NDFIP1: variants seen among roughly 807,000 people sequenced by gnomAD.
The protein encoded by NDFIP1 is Nedd4 family interacting protein 1, also known as NEDD4 family-interacting protein 1.
In NDFIP1, 7 loss-of-function variants were observed where a neutral mutation model predicts 28.8. The ratio of observed to expected loss-of-function variants is 0.24; its 90% CI spans 0.14 to 0.46. NDFIP1 has a LOEUF of 0.46. Among genes scored for constraint, NDFIP1 ranks in the 20% least tolerant of loss-of-function variants. The pLI, the probability that NDFIP1 is intolerant of heterozygous loss-of-function variation, is 0.99. For synonymous variants in NDFIP1, 92 were observed against 101.0 expected (o/e 0.91, Z 0.53); for missense variants, 194 against 269.1 (o/e 0.72, Z 1.95).
At chr5:142,117,273 C>G (rs1175047938) in intron 1 of NDFIP1, among the ~76,000 whole-genome samples, 1 of 142,298 alleles carries the variant, frequency 7.0e-6, no homozygotes, top group South Asian at 2.2e-4. Flanking sequence ...GAGACGGAGT[C>G]TCACTCTGTC....
intron 1 of NDFIP1, among the ~76,000 whole-genome samples, chr5:142,112,448 A>AG (rs1757024190): frequency 6.6e-6 from 1 of 151,622 alleles, no homozygotes. Context: ...CTGAGGCAGG[A>AG]AAATCACTTG....
At chr5:142,147,880 G>A (rs1400880035) in intron 7 of NDFIP1, among the ~76,000 whole-genome samples, 5 of 152,182 alleles carry the variant, frequency 3.3e-5, no homozygotes, top group African/African-American at 9.7e-5. Flanking sequence ...AAAAGGATCA[G>A]AATACAGAGT....
chr5:142,137,775 T>G lies in NDFIP1; in HGVS notation c.412T>G (p.Cys138Gly), dbSNP rs1424435953. The stretch of plus-strand genomic sequence containing the variant: ...CTGGATTGGGTTTTTCCTGTCTTTT[T>G]GCCTGACCACTTCAGCTGCAGGAAG... ...FNWIGFFLSF[C>G]LTTSAAGRYG... Residue 138 changes from cysteine (C) to glycine (G), a missense_variant, in exon 5 of 8, where the codon TGC (cysteine) becomes GGC (glycine). Cys to Gly is a radical substitution (Grantham distance 159). Coordinates refer to ENST00000253814, the MANE Select transcript of NDFIP1 (RefSeq NM_030571.4). The G allele has an allele frequency of 6.2e-7, 1 of 1,614,204 alleles. No individual in the cohort carries two copies. Among genetic ancestry groups the G allele is most frequent in the Non-Finnish European group, 8.5e-7 (1 of 1,180,024 alleles).
intron 1 of NDFIP1, among the ~76,000 whole-genome samples, chr5:142,109,887 T>C (rs1756995157): frequency 6.6e-6 from 1 of 152,210 alleles, no homozygotes; most frequent in African/African-American, 2.4e-5. Flanking sequence ...TAATCTAACA[T>C]ACAGTAATGG....
At chr5:142,141,098 C>A (rs1289037885) in intron 6 of NDFIP1, among the ~76,000 whole-genome samples, 1 of 150,994 alleles carries the variant, frequency 6.6e-6, no homozygotes, top group Non-Finnish European at 1.5e-5. Flanking sequence ...AAAGAACCAC[C>A]ATTGGATTTC....
chr5:142,109,139 C>G, intron 1 of NDFIP1, 102 bp downstream of exon 1: 1 of 1,091,014 alleles, frequency 9.2e-7, no homozygotes, highest in Non-Finnish European at 1.2e-6. Flanking sequence ...AACTCGACGC[C>G]GGGGCTTGGC....
rs146378852 is a variant in NDFIP1, at chr5:142,140,592, T to C, written c.525T>C (p.Asp175=). ...RFSTYFPGYF[D]GQYWLWWVFL... ...CCACCTATTTCCCTGGATATTTTGA[T>C]GGTCAGTACTGGCTCTGGTGGGTGT... Residue 175 remains aspartate, a synonymous_variant, in exon 6 of 8, where the codon GAT becomes GAC. Transcript: ENST00000253814. 1.5e-3 allele frequency: 2,476 copies of C among 1,613,120 alleles called. 41 individuals are homozygous for C. In the African/African-American group the frequency reaches 0.03, roughly 20 times the overall value.
intron 1 of NDFIP1, among the ~76,000 whole-genome samples, chr5:142,117,725 A>T: frequency 8.8e-6 from 1 of 113,600 alleles, no homozygotes; most frequent in Non-Finnish European, 1.7e-5. Context: ...TGTGTTCTAC[A>T]GGCTTTTTTT....
chr5:142,137,893 A>G (rs1757291775), intron 5 of NDFIP1, 35 bp downstream of exon 5: 3 of 1,580,188 alleles, frequency 1.9e-6, no homozygotes, highest in South Asian at 1.2e-5. Context: ...GGCTCTACAG[A>G]GAGGCAATAA....
chr5:142,118,922 A>T (rs1326605299), intron 1 of NDFIP1, among the ~76,000 whole-genome samples: 2 of 151,962 alleles, frequency 1.3e-5, no homozygotes, highest in African/African-American at 2.4e-5. Flanking sequence ...TATTTCCTGC[A>T]CTATCCTAGA....
At chr5:142,144,453 G>A in intron 6 of NDFIP1, 118 bp from the exon 7 acceptor site, 6 of 744,404 alleles carry the variant, frequency 8.1e-6, no homozygotes, top group East Asian at 2.5e-5. Flanking sequence ...AATTGCTAAT[G>A]TTTTGATTAC....
At chr5:142,116,972 A>G (rs1338523614) in intron 1 of NDFIP1, among the ~76,000 whole-genome samples, 2 of 151,990 alleles carry the variant, frequency 1.3e-5, no homozygotes, top group Non-Finnish European at 2.9e-5. Flanking sequence ...CTGCCTCCCA[A>G]AGTGCTGGGA....
chr5:142,127,380 A>G (rs6895253), intron 1 of NDFIP1, among the ~76,000 whole-genome samples: 16,072 of 152,176 alleles, frequency 0.11, 1,255 homozygotes, highest in African/African-American at 0.22. Flanking sequence ...CAAAGGCACC[A>G]TGGCAGATTG....
intron 6 of NDFIP1, chr5:142,143,249 A>G (rs951031960): frequency 6.6e-6 from 1 of 152,174 alleles, no homozygotes; most frequent in African/African-American, 2.4e-5. Flanking sequence ...TGGAATATCA[A>G]GAAAAGCTAG....
chr5:142,127,029 T>G lies in NDFIP1; in HGVS notation c.64-4779T>G, dbSNP rs1757176093. 2.0e-5 allele frequency among the ~76,000 whole-genome samples: 3 copies of G among 152,182 alleles called. No homozygotes were observed. In the South Asian group the frequency reaches 6.2e-4, roughly 32 times the overall value. ...CTATTTTATTTTATTTATTTATTTATTTTTGAGACAGAATCTCACTTTGTC... is the reference window on the plus strand; with the variant it reads ...CTATTTTATTTTATTTATTTATTTAGTTTTGAGACAGAATCTCACTTTGTC... On this transcript the variant is annotated intron_variant, in intron 1 of 7. Transcript: ENST00000253814.
intron 1 of NDFIP1, among the ~76,000 whole-genome samples, chr5:142,125,400 C>G (rs1757160785): frequency 6.6e-6 from 1 of 152,204 alleles, no homozygotes; most frequent in Non-Finnish European, 1.5e-5. Flanking sequence ...GGATCTCACT[C>G]TGTTGCTCAG....
Position 142,152,843 on chromosome 5 carries a change from A to C in NDFIP1, c.*1115A>C, listed in dbSNP as rs1053085216. 3 of 163,618 alleles carry C rather than the reference A, an allele frequency of 1.8e-5. No individual in the cohort carries two copies. The East Asian group carries it at 5.1e-4, about 28-fold the overall frequency. The allele number at this position is 163,618 out of a possible 1,614,324, so 10.1% of individuals were successfully genotyped here. A position where few individuals can be genotyped will look rare whatever the true frequency, so the allele number is the denominator to read the frequency against. On this transcript the variant is annotated 3_prime_UTR_variant, in exon 8 of 8. Coordinates refer to ENST00000253814, the MANE Select transcript of NDFIP1 (RefSeq NM_030571.4). ...GTTGATTGCTAAGGCAATTTTTTCT[A>C]ATCTTAGGGAATCATTCAGTAGATG...
At chr5:142,138,014 C>A in intron 5 of NDFIP1, 156 bp downstream of exon 5, 1 of 867,822 alleles carries the variant, frequency 1.2e-6, no homozygotes, top group Non-Finnish European at 1.7e-6. Context: ...GAACCAAAAT[C>A]ATTTGCAAAT....
At chr5:142,145,822 C>T (rs1266110168) in intron 7 of NDFIP1, among the ~76,000 whole-genome samples, 2 of 152,170 alleles carry the variant, frequency 1.3e-5, no homozygotes, top group Non-Finnish European at 2.9e-5. Flanking sequence ...TGGGTCAATG[C>T]AAGACTAAGC....
Sources: allele counts gnomAD v4.1 joint callset (sites outside exome capture counted in the v4.1 genomes callset), GRCh38; gene constraint gnomAD v4.1.1; transcripts MANE v1.5; gene names NCBI Gene and HGNC (gene_info 2026-07-23, HGNC 2026-07-21).